RIN3: variants seen among roughly 807,000 people sequenced by gnomAD.
The protein encoded by RIN3 is Ras and Rab interactor 3.
RIN3 carries 54 observed loss-of-function variants against 76.3 expected under a neutral mutation model. The ratio of observed to expected loss-of-function variants is 0.71; its 90% CI spans 0.57 to 0.89. The LOEUF (loss-of-function observed/expected upper bound fraction) is 0.89. RIN3 is among the 40% of genes least tolerant of loss of function. The pLI is 0.00. For missense variants in RIN3, 1,256 were observed against 1,322.1 expected, an observed-to-expected ratio of 0.95 and a Z score of 0.78; for synonymous variants, 576 against 564.0, an observed-to-expected ratio of 1.02 and a Z score of -0.30.
At chr14:92,542,592 A>C (rs1289981323) in intron 1 of RIN3, among the ~76,000 whole-genome samples, 1 of 152,220 alleles carries the variant, frequency 6.6e-6, no homozygotes, top group East Asian at 1.9e-4. Context: ...AACTGAAAAC[A>C]TAGGTTCCAT....
chr14:92,610,533 C>A (rs1007837520), intron 3 of RIN3, among the ~76,000 whole-genome samples: 1 of 152,154 alleles, frequency 6.6e-6, no homozygotes, highest in Non-Finnish European at 1.5e-5. Flanking sequence ...GTCCAACAGC[C>A]CCTGCCTCTC....
At chr14:92,558,763 G>A (rs1041357471) in intron 2 of RIN3, among the ~76,000 whole-genome samples, 14 of 152,364 alleles carry the variant, frequency 9.2e-5, no homozygotes, top group Non-Finnish European at 1.3e-4. Flanking sequence ...TTATCCCACC[G>A]GAAGGGTGAG....
At chr14:92,647,927 T>C (rs1887260190) in intron 5 of RIN3, among the ~76,000 whole-genome samples, 1 of 152,044 alleles carries the variant, frequency 6.6e-6, no homozygotes, top group Non-Finnish European at 1.5e-5. Flanking sequence ...GGATGGGCCC[T>C]TCTTTAGGGG....
chr14:92,673,049 A>G (rs1445840627), intron 7 of RIN3, among the ~76,000 whole-genome samples: 1 of 152,042 alleles, frequency 6.6e-6, no homozygotes, highest in East Asian at 1.9e-4. Flanking sequence ...TGGGAGGCTG[A>G]GGCAGGTGGA....
In RIN3 at chr14:92,687,955, C is replaced by T. The variant is rs552092357; in HGVS notation, c.2661C>T (p.Pro887=). Reference sequence around the variant, plus strand: ...TCATCTGCGTGTCGTACCTGGAGCCCGAGCAGCAGGCGCGGACGCTGGCGT... The same window carrying T: ...TCATCTGCGTGTCGTACCTGGAGCCTGAGCAGCAGGCGCGGACGCTGGCGT... ...QDFICVSYLE[P]EQQARTLASR... is the part of the protein sequence containing the mutation. Residue 887 remains proline, a synonymous_variant, in exon 10 of 10, where the codon CCC becomes CCT. Coordinates refer to ENST00000216487, the MANE Select transcript of RIN3 (RefSeq NM_024832.5). The T allele has an allele frequency of 2.8e-5, 43 of 1,552,790 alleles. No homozygotes were observed. The East Asian group carries it at 9.2e-4, about 33-fold the overall frequency.
chr14:92,522,436 A>G (rs1233145732), intron 1 of RIN3, among the ~76,000 whole-genome samples: 1 of 152,210 alleles, frequency 6.6e-6, no homozygotes, highest in South Asian at 2.1e-4. Flanking sequence ...AAACATTTTT[A>G]TCACCCGGTG....
At chr14:92,668,942 C>T (rs750834775) in intron 7 of RIN3, among the ~76,000 whole-genome samples, 7 of 152,200 alleles carry the variant, frequency 4.6e-5, no homozygotes, top group African/African-American at 7.2e-5. Flanking sequence ...TGCTGTCATA[C>T]GTTTTTATCA....
chr14:92,537,328 G>A (rs1175824897), intron 1 of RIN3, among the ~76,000 whole-genome samples: 1 of 152,012 alleles, frequency 6.6e-6, no homozygotes, highest in Non-Finnish European at 1.5e-5. Flanking sequence ...TACACAGAAG[G>A]TATTCTCATG....
chr14:92,519,171 G>T (rs1249478122), intron 1 of RIN3, among the ~76,000 whole-genome samples: 2 of 152,120 alleles, frequency 1.3e-5, no homozygotes, highest in African/African-American at 4.8e-5. Context: ...AGTGGCCCAT[G>T]GAACAGTCTA....
intron 3 of RIN3, among the ~76,000 whole-genome samples, chr14:92,596,993 T>C (rs760660871): frequency 6.6e-6 from 1 of 152,204 alleles, no homozygotes. Flanking sequence ...TTGTTTTTTT[T>C]CCCTCCTGGA....
rs560029361 is a variant in RIN3 at position 92,643,582 on chromosome 14, C to T, written c.532+2253C>T. Among the ~76,000 whole-genome samples the T allele has an allele frequency of 7.9e-5, 12 of 152,212 alleles. No homozygotes were observed. Among genetic ancestry groups the T allele is most frequent in the Admixed American group, 2.6e-4 (4 of 15,294 alleles). On this transcript the variant is annotated intron_variant, in intron 5 of 9. Coordinates refer to ENST00000216487, the MANE Select transcript of RIN3 (RefSeq NM_024832.5). The surrounding 1 kb of genome is among the most constrained non-coding windows in gnomAD (Gnocchi z 4.8). ...CCTCCCCCTAGGGGTTCGATGACAC[C>T]GACCATTGCAGAGCACTTGGCATTG...
intron 1 of RIN3, 112 bp from the exon 2 acceptor site, chr14:92,555,639 C>T (rs1467478046): frequency 3.1e-6 from 3 of 978,826 alleles, no homozygotes; most frequent in Non-Finnish European, 4.8e-6. Context: ...CCCAAAGGGC[C>T]ACTGACTACC....
chr14:92,563,909 A>C (rs1026773933), intron 2 of RIN3, among the ~76,000 whole-genome samples: 1 of 152,196 alleles, frequency 6.6e-6, no homozygotes, highest in East Asian at 1.9e-4. Context: ...GTACACACAC[A>C]AACACACACA....
chr14:92,561,155 A>ATT (rs1566843468), intron 2 of RIN3, among the ~76,000 whole-genome samples: 1 of 137,424 alleles, frequency 7.3e-6, no homozygotes, highest in Non-Finnish European at 1.5e-5. Context: ...TTTTATATAT[A>ATT]TATTTATATA....
intron 4 of RIN3, among the ~76,000 whole-genome samples, chr14:92,637,852 A>G (rs1362441084): frequency 6.6e-6 from 1 of 152,142 alleles, no homozygotes; most frequent in African/African-American, 2.4e-5. Context: ...ATTGGTATAG[A>G]TTTTTAAATG....
chr14:92,534,775 A>G (rs1896958814), intron 1 of RIN3, among the ~76,000 whole-genome samples: 1 of 152,034 alleles, frequency 6.6e-6, no homozygotes, highest in Admixed American at 6.6e-5. Context: ...CTTGTATGTG[A>G]GAGGCTCTGA....
chr14:92,542,217 G>C (rs992674608), intron 1 of RIN3, among the ~76,000 whole-genome samples: 1 of 152,176 alleles, frequency 6.6e-6, no homozygotes, highest in Non-Finnish European at 1.5e-5. Flanking sequence ...GAGCCTGGGA[G>C]GTTGAGGCTG....
intron 8 of RIN3, among the ~76,000 whole-genome samples, chr14:92,679,107 T>A (rs1275433091): frequency 6.6e-6 from 1 of 152,264 alleles, no homozygotes; most frequent in Non-Finnish European, 1.5e-5. Flanking sequence ...TCTGGGCTAC[T>A]TCAAGTATTT....
intron 3 of RIN3, among the ~76,000 whole-genome samples, chr14:92,601,841 A>G (rs1048098542): frequency 6.6e-6 from 1 of 152,146 alleles, no homozygotes; most frequent in African/African-American, 2.4e-5. Flanking sequence ...AATCTGTCCA[A>G]TGTCTCCCCT....
Sources: gnomAD v4.1 joint callset for allele counts (sites outside exome capture counted in the v4.1 genomes callset) on GRCh38, gnomAD v4.1.1 for gene constraint, Gnocchi (gnomAD v3.1) non-coding constraint, MANE v1.5 for transcripts, NCBI Gene and HGNC (gene_info 2026-07-23, HGNC 2026-07-21) for gene names.